BAZ2B: variants seen among roughly 807,000 people sequenced by gnomAD.
The protein encoded by BAZ2B is bromodomain adjacent to zinc finger domain 2B.
A neutral mutation model predicts 246.0 loss-of-function variants in BAZ2B; 91 were observed. The observed-to-expected ratio is 0.37, with a 90% confidence interval of 0.31 to 0.44. The LOEUF (loss-of-function observed/expected upper bound fraction) is 0.44, where lower values mean the gene tolerates loss of function less well. Ranked by LOEUF, BAZ2B falls within the 20% of genes least tolerant of loss-of-function variation. BAZ2B has a pLI of 1.00. For missense variants in BAZ2B, 2,332 were observed against 2,533.7 expected (o/e 0.92, Z 1.71); for synonymous variants, 855 against 860.0 (o/e 0.99, Z 0.10).
chr2:159,637,653 A>C, the BAZ2B span, among the ~76,000 whole-genome samples: 6 of 152,158 alleles, frequency 3.9e-5, no homozygotes, highest in African/African-American at 1.4e-4. Context: ...AACCTCCCAC[A>C]CTCAAGCAAT....
chr2:159,521,421 C>A (rs1442195942), intron 2 of BAZ2B, among the ~76,000 whole-genome samples: 1 of 151,860 alleles, frequency 6.6e-6, no homozygotes, highest in African/African-American at 2.4e-5. Context: ...TCATTTATTG[C>A]AACATAATAG....
At chr2:159,690,184 C>T in the BAZ2B span, 1 of 480,286 alleles carries the variant, frequency 2.1e-6, no homozygotes, top group Non-Finnish European at 4.0e-6. Flanking sequence ...TGACTAGCGT[C>T]TTTCCAACAT....
chr2:159,642,238 C>CTTTTTTT, the BAZ2B span, among the ~76,000 whole-genome samples: 1 of 131,724 alleles, frequency 7.6e-6, no homozygotes, highest in Non-Finnish European at 1.6e-5. Flanking sequence ...TTCTTTCTTT[C>CTTTTTTT]TTTTTTTTTT....
chr2:159,631,107 G>A, the BAZ2B span, among the ~76,000 whole-genome samples: 1 of 152,194 alleles, frequency 6.6e-6, no homozygotes, highest in African/African-American at 2.4e-5. Flanking sequence ...GAGGTGGGAG[G>A]ACTGCTTGAG....
At chr2:159,651,262 A>T in the BAZ2B span, among the ~76,000 whole-genome samples, 1 of 152,212 alleles carries the variant, frequency 6.6e-6, no homozygotes, top group African/African-American at 2.4e-5. Flanking sequence ...ATGGCTATAG[A>T]GCCTTCTGAT....
At chr2:159,541,290 T>C (rs955464841) in intron 2 of BAZ2B, among the ~76,000 whole-genome samples, 6 of 151,040 alleles carry the variant, frequency 4.0e-5, no homozygotes, top group Non-Finnish European at 7.4e-5. Context: ...ATTATTATTA[T>C]TGTTTTGAGA....
the BAZ2B span, among the ~76,000 whole-genome samples, chr2:159,648,153 T>A: frequency 2.6e-5 from 4 of 152,090 alleles, no homozygotes; most frequent in Admixed American, 2.0e-4. Context: ...TTATTTATTT[T>A]TTGAGAAAGA....
rs2066940366 is a variant in BAZ2B, at chr2:159,412,248, G to T, written c.2677+87C>A. 4 of 1,345,576 alleles carry T rather than the reference G, an allele frequency of 3.0e-6. No homozygotes were observed. The South Asian group carries it at 5.0e-5, about 17-fold the overall frequency. 83.4% of individuals were successfully genotyped at this position (1,345,576 alleles called of 1,614,324 possible). Reference sequence around the variant, plus strand: ...ATTTACTTTTTAAAAATTGAGAGCAGTGTCAATCCTAAGTCAAAAATATTA... The same window carrying T: ...ATTTACTTTTTAAAAATTGAGAGCATTGTCAATCCTAAGTCAAAAATATTA... On this transcript the variant is annotated intron_variant, in intron 14 of 36. Coordinates refer to ENST00000392783, the MANE Select transcript of BAZ2B (RefSeq NM_013450.4).
intron 2 of BAZ2B, among the ~76,000 whole-genome samples, chr2:159,519,541 T>C (rs1439644408): frequency 6.6e-6 from 1 of 151,552 alleles, no homozygotes; most frequent in Non-Finnish European, 1.5e-5. Context: ...CATATTCTAT[T>C]TTCTAAAGTC....
At chr2:159,576,242 C>A (rs544293694) in intron 1 of BAZ2B, among the ~76,000 whole-genome samples, 1 of 151,812 alleles carries the variant, frequency 6.6e-6, no homozygotes, top group Non-Finnish European at 1.5e-5. Flanking sequence ...ACAAATATAC[C>A]CACCTAAAAG....
chr2:159,354,403 T>G (rs1213698530), intron 27 of BAZ2B, among the ~76,000 whole-genome samples: 1 of 152,096 alleles, frequency 6.6e-6, no homozygotes, highest in Non-Finnish European at 1.5e-5. Context: ...CCAGGTAGAG[T>G]GCAGTGGCAT....
chr2:159,406,253 T>C (rs1282504822), intron 14 of BAZ2B, among the ~76,000 whole-genome samples: 2 of 152,234 alleles, frequency 1.3e-5, no homozygotes, highest in East Asian at 1.9e-4. Flanking sequence ...GCTTTTGTTC[T>C]TGTGCTTTGC....
chr2:159,362,801 C>T (rs1314829147), intron 27 of BAZ2B, among the ~76,000 whole-genome samples: 1 of 152,166 alleles, frequency 6.6e-6, no homozygotes, highest in Non-Finnish European at 1.5e-5. Flanking sequence ...TCTATCTCTT[C>T]TCCTTATCAG....
Position 159,453,758 on chromosome 2 carries a change from G to A in BAZ2B, c.189C>T (p.Ser63=), listed in dbSNP as rs1241761943. Residue 63 remains serine, a synonymous_variant, in exon 4 of 37, where the codon TCC becomes TCT. Transcript: ENST00000392783. The stretch of plus-strand genomic sequence containing the variant: ...CCATTGGGAAGGCACTCGACACTGT[G>A]GACAGGTTAAACGGTTGATCCCCAG... ...RTAGDQPFNL[S]TVSSAFPMVS... 6.2e-7 allele frequency: 1 copy of A among 1,612,650 alleles called. No individual in the cohort carries two copies. The highest frequency in any genetic ancestry group is 8.5e-7 in the Non-Finnish European group (1 of 1,179,344).
At chr2:159,478,307 A>G (rs2078854413) in intron 3 of BAZ2B, among the ~76,000 whole-genome samples, 1 of 152,170 alleles carries the variant, frequency 6.6e-6, no homozygotes, top group Non-Finnish European at 1.5e-5. Context: ...TATTGTTTTA[A>G]AAGACTTCAT....
At chr2:159,379,063 T>C (rs141849815) in intron 25 of BAZ2B, among the ~76,000 whole-genome samples, 2 of 152,298 alleles carry the variant, frequency 1.3e-5, no homozygotes, top group African/African-American at 4.8e-5. Context: ...TGCAATGTTA[T>C]TCACAATGGC....
chr2:159,640,857 T>A, the BAZ2B span, among the ~76,000 whole-genome samples: 1 of 143,416 alleles, frequency 7.0e-6, no homozygotes, highest in Non-Finnish European at 1.5e-5. Context: ...CAATAGCAAA[T>A]CAAATCCAAG....
chr2:159,353,769 GA>G (rs769804194), intron 27 of BAZ2B, among the ~76,000 whole-genome samples: 12 of 152,318 alleles, frequency 7.9e-5, no homozygotes, highest in Middle Eastern at 3.4e-3. Context: ...AGAGTACTCA[GA>G]AGGATCTTGC....
At chr2:159,543,503 A>AC (rs1478190960) in intron 2 of BAZ2B, among the ~76,000 whole-genome samples, 2 of 149,974 alleles carry the variant, frequency 1.3e-5, no homozygotes, top group East Asian at 3.9e-4. Context: ...AAATAGCCCC[A>AC]CATTATTATC....
Sources: gnomAD v4.1 joint callset for allele counts (sites outside exome capture counted in the v4.1 genomes callset) on GRCh38, gnomAD v4.1.1 for gene constraint, MANE v1.5 for transcripts, NCBI Gene and HGNC (gene_info 2026-07-23, HGNC 2026-07-21) for gene names.